PSAP: variants seen among roughly 807,000 people sequenced by gnomAD.
PSAP encodes prosaposin.
Under a neutral mutation model 66.0 loss-of-function variants are expected in PSAP, and 25 were observed. The observed-to-expected ratio is 0.38, with a 90% CI of 0.28 to 0.53. The LOEUF (loss-of-function observed/expected upper bound fraction) is 0.53. Ranked by LOEUF, PSAP falls within the 20% of genes least tolerant of loss-of-function variation. The pLI, the probability that PSAP is intolerant of heterozygous loss-of-function variation, is 0.83. For missense variants in PSAP, 649 were observed against 668.8 expected, an observed-to-expected ratio of 0.97 and a Z score of 0.33; for synonymous variants, 273 against 258.9, an observed-to-expected ratio of 1.05 and a Z score of -0.52.
chr10:71,823,361 C>A (rs1356980925), intron 7 of PSAP, among the ~76,000 whole-genome samples: 1 of 152,354 alleles, frequency 6.6e-6, no homozygotes, highest in East Asian at 1.9e-4. Context: ...GTTTCCAATT[C>A]TCTGGATCCA....
chr10:71,850,559 G>A (rs1003110308), intron 1 of PSAP, among the ~76,000 whole-genome samples: 2 of 152,148 alleles, frequency 1.3e-5, no homozygotes, highest in Non-Finnish European at 2.9e-5. Flanking sequence ...TTAGGCACAT[G>A]TTCTCAGGAC....
intron 8 of PSAP, among the ~76,000 whole-genome samples, chr10:71,820,737 A>G (rs1305387849): frequency 6.6e-6 from 1 of 152,244 alleles, no homozygotes; most frequent in Non-Finnish European, 1.5e-5. Context: ...TCCACTATCT[A>G]GAAGACAGAA....
intron 8 of PSAP, among the ~76,000 whole-genome samples, chr10:71,820,537 A>G (rs979176495): frequency 1.4e-5 from 2 of 142,110 alleles, no homozygotes; most frequent in African/African-American, 5.3e-5. Flanking sequence ...CCAATCCTCT[A>G]CCACCCCCAC....
intron 1 of PSAP, among the ~76,000 whole-genome samples, chr10:71,845,567 G>C (rs1031064961): frequency 1.3e-5 from 2 of 152,210 alleles, no homozygotes; most frequent in Non-Finnish European, 2.9e-5. Flanking sequence ...TGTTTGGGGA[G>C]GGCCTGGGGA....
At chr10:71,844,114 G>C (rs940233392) in intron 1 of PSAP, among the ~76,000 whole-genome samples, 43 of 152,330 alleles carry the variant, frequency 2.8e-4, no homozygotes, top group African/African-American at 1.0e-3. Context: ...TAGCAAAATT[G>C]AAAGTTTTAA....
chr10:71,818,429 A>G lies in PSAP; in HGVS notation c.1539+188T>C, dbSNP rs184549791. 1.4e-3 allele frequency among the ~76,000 whole-genome samples: 208 copies of G among 152,362 alleles called. 3 individuals carry two copies. The Middle Eastern group carries it at 0.034, about 25-fold the overall frequency. On this transcript the variant is annotated intron_variant, in intron 13 of 13. Coordinates refer to ENST00000394936, the MANE Select transcript of PSAP (RefSeq NM_002778.4). ...AAAATCCACCCCACCCTTCACTACA[A>G]GAGTGTAGTTCACCCTGTCTTTTCT...
Position 71,821,887 on chromosome 10 carries a change from C to T in PSAP, c.898G>A (p.Glu300Lys). ...KNVIPALELVEPIKKHEVPAK... is the reference protein window; with the variant it reads ...KNVIPALELVKPIKKHEVPAK... The stretch of plus-strand genomic sequence containing the variant: ...GTGACACCAGGTACCTTAATGGGCT[C>T]CACCAGTTCCAGGGCAGGGATGACA... The change falls in exon 8 of 14, where the codon GAG becomes AAG. Residue 300 changes from glutamate (E) to lysine (K), a missense_variant. Physicochemically the swap from Glu to Lys is moderately conservative, Grantham distance 56. Transcript: ENST00000394936. The T allele has an allele frequency of 6.2e-7, 1 of 1,614,170 alleles. No homozygotes were observed. Among genetic ancestry groups the T allele is most frequent in the Non-Finnish European group, 8.5e-7 (1 of 1,180,020 alleles).
intron 1 of PSAP, among the ~76,000 whole-genome samples, chr10:71,838,112 G>A (rs1395496679): frequency 6.6e-6 from 1 of 152,218 alleles, no homozygotes; most frequent in African/African-American, 2.4e-5. Context: ...GAGGAGGTGG[G>A]AGATACCAAT....
At position 71,820,402 on chromosome 10, in the gene PSAP, A is replaced by G. The variant is rs555941218; in HGVS notation, c.910-67T>C. The stretch of plus-strand genomic sequence containing the variant: ...TCACAGCCCTTGGTCTTGCTCCCCT[A>G]AAGGAAAGGGGACACAGAGACCAGG... On this transcript the variant is annotated intron_variant, in intron 8 of 13. Transcript: ENST00000394936. 55 of 1,340,828 alleles carry G rather than the reference A, an allele frequency of 4.1e-5. No individual in the cohort carries two copies. In the African/African-American group the frequency reaches 6.2e-4, roughly 15 times the overall value. 83.1% of individuals were successfully genotyped at this position (1,340,828 alleles called of 1,614,324 possible).
intron 1 of PSAP, among the ~76,000 whole-genome samples, chr10:71,843,371 T>C (rs1842763090): frequency 6.6e-6 from 1 of 152,140 alleles, no homozygotes; most frequent in African/African-American, 2.4e-5. Flanking sequence ...TGAGTTTTAT[T>C]CCTAGTGCTA....
In PSAP at chr10:71,828,016, T is replaced by C. The variant is rs745994939; in HGVS notation, c.718A>G (p.Ile240Val). Residue 240 changes from isoleucine (I) to valine (V), a missense_variant and splice_region_variant, in exon 6 of 14, where the codon ATA (isoleucine) becomes GTA (valine). Coordinates refer to ENST00000394936, the MANE Select transcript of PSAP (RefSeq NM_002778.4). ...ATGCACAAGGACACAAGGCTCACTATGTCGGCCATGCCAGGGCCCAGGCGG... is the reference window on the plus strand; with the variant it reads ...ATGCACAAGGACACAAGGCTCACTACGTCGGCCATGCCAGGGCCCAGGCGG... ...CDRLGPGMAD[I>V]CKNYISQYSE... 46 of 1,614,044 alleles carry C rather than the reference T, an allele frequency of 2.8e-5. No individual in the cohort carries two copies. The highest frequency in any genetic ancestry group is 1.2e-4 in the Admixed American group (7 of 60,000).
intron 8 of PSAP, among the ~76,000 whole-genome samples, chr10:71,820,963 T>A (rs553608464): frequency 1.2e-4 from 18 of 152,400 alleles, no homozygotes; most frequent in African/African-American, 4.3e-4. Context: ...GCTGAATTTT[T>A]AATTTTGCTC....
At chr10:71,827,405 G>A (rs200344090) in intron 6 of PSAP, among the ~76,000 whole-genome samples, 170 of 129,282 alleles carry the variant, frequency 1.3e-3, no homozygotes, top group Non-Finnish European at 1.6e-3. Flanking sequence ...TCTCAAAAAA[G>A]AAAAAAAAAA....
chr10:71,833,996 T>A (rs1191384689), intron 2 of PSAP, among the ~76,000 whole-genome samples: 1 of 152,216 alleles, frequency 6.6e-6, no homozygotes, highest in Non-Finnish European at 1.5e-5. Flanking sequence ...GCCGCGCCCA[T>A]GTGCCCAGTG....
intron 1 of PSAP, among the ~76,000 whole-genome samples, chr10:71,848,088 A>G (rs1319251377): frequency 3.3e-5 from 5 of 152,186 alleles, no homozygotes; most frequent in Non-Finnish European, 7.3e-5. Context: ...GGACTCACCT[A>G]ACAGCAATAC....
At chr10:71,851,160 G>A in intron 1 of PSAP, 22 bp downstream of exon 1, 7 of 1,550,758 alleles carry the variant, frequency 4.5e-6, no homozygotes, top group East Asian at 2.4e-5. Context: ...CTCCTCCCCA[G>A]GATGAGGGTC....
At position 71,821,756 on chromosome 10, in the gene PSAP, C is replaced by T. The variant is rs796865997; in HGVS notation, c.909+120G>A. ...AAACCAGTGATCACAAACTCAAAGA[C>T]CTTTAGGAGCCAGGCAGGGAACCGA... On this transcript the variant is annotated intron_variant, in intron 8 of 13. Transcript: ENST00000394936. 3.9e-5 allele frequency: 54 copies of T among 1,373,960 alleles called. No individual in the cohort carries two copies. In the African/African-American group the frequency reaches 7.1e-4, roughly 18 times the overall value. 85.1% of individuals were successfully genotyped at this position (1,373,960 alleles called of 1,614,324 possible).
intron 1 of PSAP, among the ~76,000 whole-genome samples, chr10:71,848,558 A>G (rs568568649): frequency 3.3e-5 from 5 of 152,264 alleles, no homozygotes; most frequent in African/African-American, 1.2e-4. Context: ...GGGCAGCTGG[A>G]TGGGCAGAAA....
At chr10:71,819,340 A>C in intron 11 of PSAP, 125 bp downstream of exon 11, 1 of 1,436,972 alleles carries the variant, frequency 7.0e-7, no homozygotes, top group Non-Finnish European at 9.7e-7. Context: ...CCTCCAAGTA[A>C]AACTTCATTG....
Sources: allele counts gnomAD v4.1 joint callset (sites outside exome capture counted in the v4.1 genomes callset), GRCh38; gene constraint gnomAD v4.1.1; transcripts MANE v1.5; gene names NCBI Gene and HGNC (gene_info 2026-07-23, HGNC 2026-07-21).